The following INSC variants were observed in gnomAD, a reference collection of about 807,000 sequenced individuals.
INSC encodes protein inscuteable homolog.
A neutral mutation model predicts 58.6 loss-of-function variants in INSC; 67 were observed. The ratio of observed to expected loss-of-function variants is 1.14; its 90% CI spans 0.94 to 1.40. INSC has a LOEUF of 1.40. INSC is among the 40% of genes most tolerant of loss of function. The probability of loss-of-function intolerance (pLI) is 0.00; values close to 1 mark genes in which losing one functional copy is unlikely to be tolerated. For synonymous variants in INSC, 262 were observed against 276.1 expected (o/e 0.95, Z 0.51); for missense variants, 714 against 692.0 (o/e 1.03, Z -0.36).
intron 10 of INSC, 36 bp from the exon 11 acceptor site, chr11:15,238,883 G>GTTCCTT: frequency 6.3e-7 from 1 of 1,598,612 alleles, no homozygotes; most frequent in Non-Finnish European, 8.5e-7. Flanking sequence ...GCTCCATGCT[G>GTTCCTT]GGGTAGGTAC....
At chr11:15,142,722 G>T (rs543598497) in intron 1 of INSC, among the ~76,000 whole-genome samples, 1 of 152,146 alleles carries the variant, frequency 6.6e-6, no homozygotes, top group East Asian at 1.9e-4. Flanking sequence ...GTACGACCAC[G>T]CAGTGAGGAC....
chr11:15,184,462 C>A, intron 5 of INSC: 1 of 172,956 alleles, frequency 5.8e-6, no homozygotes, highest in Non-Finnish European at 1.2e-5. Flanking sequence ...GTGGTGCAAT[C>A]TCGGCTCAAT....
At chr11:15,171,847 A>G (rs1440960544) in intron 2 of INSC, among the ~76,000 whole-genome samples, 2 of 152,212 alleles carry the variant, frequency 1.3e-5, no homozygotes, top group Non-Finnish European at 2.9e-5. Flanking sequence ...CCCTGTCTGT[A>G]TGAACCTTGG....
At chr11:15,268,246 C>T in the INSC span, among the ~76,000 whole-genome samples, 3 of 152,032 alleles carry the variant, frequency 2.0e-5, no homozygotes, top group Non-Finnish European at 4.4e-5. Context: ...AGTCTAGTCC[C>T]TGTTACTACA....
At chr11:15,232,298 G>A (rs1851955054) in intron 9 of INSC, among the ~76,000 whole-genome samples, 1 of 152,172 alleles carries the variant, frequency 6.6e-6, no homozygotes, top group African/African-American at 2.4e-5. Context: ...TCTTGACACA[G>A]TCTTTCAAGG....
chr11:15,221,330 C>T, intron 7 of INSC, 147 bp from the exon 8 acceptor site: 2 of 883,484 alleles, frequency 2.3e-6, no homozygotes, highest in Non-Finnish European at 3.5e-6. Context: ...TGGATTGTCC[C>T]TGGTTCCACA....
At chr11:15,183,335 G>C (rs1849845566) in intron 5 of INSC, among the ~76,000 whole-genome samples, 1 of 110,504 alleles carries the variant, frequency 9.0e-6, no homozygotes. Flanking sequence ...TGGGCAACAA[G>C]AGCAAAACTC....
At chr11:15,152,830 G>C (rs946837306) in intron 2 of INSC, among the ~76,000 whole-genome samples, 2 of 152,168 alleles carry the variant, frequency 1.3e-5, no homozygotes, top group African/African-American at 4.8e-5. Flanking sequence ...AGGAATCTCG[G>C]TACCACATCA....
At chr11:15,145,784 G>A (rs1029067495) in intron 1 of INSC, among the ~76,000 whole-genome samples, 3 of 152,202 alleles carry the variant, frequency 2.0e-5, no homozygotes, top group Non-Finnish European at 4.4e-5. Flanking sequence ...CTGGCACTAG[G>A]TGAAGCTGGA....
intron 2 of INSC, among the ~76,000 whole-genome samples, chr11:15,150,502 T>C (rs1188047662): frequency 6.6e-6 from 1 of 152,210 alleles, no homozygotes; most frequent in Non-Finnish European, 1.5e-5. Flanking sequence ...TGCACAAAAA[T>C]AAATAAACAA....
At chr11:15,250,799 A>G (rs2133994656), downstream of INSC, among the ~76,000 whole-genome samples, 1 of 152,384 alleles carries the variant, frequency 6.6e-6, no homozygotes, top group East Asian at 1.9e-4. Flanking sequence ...GAAATGGCTT[A>G]GCTGAGGGGA....
At chr11:15,180,694 C>CGGGGGGGGGGGGGGGG (rs756237896) in intron 5 of INSC, among the ~76,000 whole-genome samples, 1 of 41,822 alleles carries the variant, frequency 2.4e-5, no homozygotes, top group Non-Finnish European at 4.5e-5. Context: ...AGGGGGGGGG[C>CGGGGGGGGGGGGGGGG]GGGGGGGGGT....
intron 1 of INSC, among the ~76,000 whole-genome samples, chr11:15,136,155 C>T (rs1848240015): frequency 6.6e-6 from 1 of 152,126 alleles, no homozygotes; most frequent in African/African-American, 2.4e-5. Flanking sequence ...TTACATTTCC[C>T]ACTGCATATA....
intron 1 of INSC, among the ~76,000 whole-genome samples, chr11:15,135,927 T>C (rs761430958): frequency 6.6e-6 from 1 of 152,192 alleles, no homozygotes; most frequent in Non-Finnish European, 1.5e-5. Context: ...CCTTGCATGC[T>C]GTGCTCTTTG....
intron 2 of INSC, among the ~76,000 whole-genome samples, chr11:15,167,942 T>C (rs565592722): frequency 6.6e-6 from 1 of 152,268 alleles, no homozygotes; most frequent in South Asian, 2.1e-4. Context: ...CGGCTCATGA[T>C]TCTTGCCCAC....
upstream of INSC, among the ~76,000 whole-genome samples, chr11:15,113,329 T>C (rs970392278): frequency 1.3e-5 from 2 of 151,834 alleles, no homozygotes; most frequent in Admixed American, 6.6e-5. Flanking sequence ...CCCAGTTAAT[T>C]TTTGTATTAT....
the INSC span, among the ~76,000 whole-genome samples, chr11:15,261,515 A>T: frequency 6.6e-6 from 1 of 152,178 alleles, no homozygotes; most frequent in Non-Finnish European, 1.5e-5. Context: ...TTTGAATTAG[A>T]CACTTTATTA....
upstream of INSC, among the ~76,000 whole-genome samples, chr11:15,113,731 C>A (rs1847627884): frequency 3.3e-5 from 5 of 152,058 alleles, no homozygotes; most frequent in South Asian, 8.3e-4. Context: ...GAGCCCTGGG[C>A]CCCCAGAGAG....
chr11:15,226,580 C>T (rs1640770885), intron 9 of INSC, among the ~76,000 whole-genome samples: 1 of 152,058 alleles, frequency 6.6e-6, no homozygotes, highest in African/African-American at 2.4e-5. Context: ...AAATTCTTCC[C>T]AGTACCTGAG....
Sources: allele counts gnomAD v4.1 joint callset (sites outside exome capture counted in the v4.1 genomes callset), GRCh38; gene constraint gnomAD v4.1.1; transcripts MANE v1.5; gene names NCBI Gene and HGNC (gene_info 2026-07-23, HGNC 2026-07-21).